The following LAMA2 variants were observed in gnomAD, a reference collection of about 807,000 sequenced individuals.
The protein encoded by LAMA2 is laminin subunit alpha-2.
LAMA2 carries 269 observed loss-of-function variants against 364.8 expected under a neutral mutation model. That is an observed-to-expected ratio of 0.74 (90% CI 0.67 to 0.82). LAMA2 has a LOEUF of 0.82. Ranked by LOEUF, LAMA2 falls within the 40% of genes least tolerant of loss-of-function variation. The pLI is 0.00. For synonymous variants in LAMA2, 1,379 were observed against 1,370.6 expected (o/e 1.01, Z -0.14); for missense variants, 3,807 against 3,873.2 (o/e 0.98, Z 0.45).
intron 1 of LAMA2, among the ~76,000 whole-genome samples, chr6:129,028,421 ATAT>A (rs1338157624): frequency 6.6e-6 from 1 of 151,822 alleles, no homozygotes; most frequent in Non-Finnish European, 1.5e-5. Context: ...GGGATGATAA[ATAT>A]TATTATGAGT....
At chr6:129,283,434 G>A (rs968506571) in intron 18 of LAMA2, among the ~76,000 whole-genome samples, 1 of 151,890 alleles carries the variant, frequency 6.6e-6, no homozygotes, top group African/African-American at 2.4e-5. Flanking sequence ...CAAAAAGGCA[G>A]GCAAGTTCAT....
chr6:128,900,442 A>AATAG (rs1777019152), intron 1 of LAMA2, among the ~76,000 whole-genome samples: 1 of 152,294 alleles, frequency 6.6e-6, no homozygotes, highest in Non-Finnish European at 1.5e-5. Flanking sequence ...ATGATAGAAA[A>AATAG]ATAGAAAAGG....
intron 3 of LAMA2, among the ~76,000 whole-genome samples, chr6:129,063,115 A>G (rs1789045413): frequency 6.6e-6 from 1 of 152,108 alleles, no homozygotes; most frequent in Admixed American, 6.5e-5. Flanking sequence ...CTCAACTTCT[A>G]GATTAGCAGA....
At position 129,159,460 on chromosome 6, in the gene LAMA2, C is replaced by T. The variant is rs17056875; in HGVS notation, c.1206+4777C>T. On this transcript the variant is annotated intron_variant, in intron 8 of 64. Coordinates refer to ENST00000421865, the MANE Select transcript of LAMA2 (RefSeq NM_000426.4). ...AGGCAGGGTGATGGAGGCGCCCCGG[C>T]CGGGAGGATCTGCCGGGGAGAGCGG... is the stretch of plus-strand genomic sequence containing the variant. Among the ~76,000 whole-genome samples, 73 of 152,340 alleles carry T rather than the reference C, an allele frequency of 4.8e-4. 1 individual carries two copies. In the East Asian group the frequency reaches 0.013, roughly 27 times the overall value.
At chr6:129,365,292 G>T (rs1371701082) in intron 32 of LAMA2, among the ~76,000 whole-genome samples, 1 of 152,140 alleles carries the variant, frequency 6.6e-6, no homozygotes, top group Non-Finnish European at 1.5e-5. Flanking sequence ...GGAACAGTTG[G>T]CAAATAAATA....
chr6:129,357,731 C>G (rs1045765519), intron 32 of LAMA2, among the ~76,000 whole-genome samples: 23 of 151,926 alleles, frequency 1.5e-4, no homozygotes, highest in African/African-American at 5.3e-4. Context: ...TTTTAATAGC[C>G]AGTTGCCACC....
At chr6:129,298,896 A>G (rs181525021) in intron 21 of LAMA2, among the ~76,000 whole-genome samples, 100 of 152,294 alleles carry the variant, frequency 6.6e-4, no homozygotes, top group African/African-American at 2.2e-3. Flanking sequence ...AAGAATCTGT[A>G]TATCTCTAAG....
intron 1 of LAMA2, among the ~76,000 whole-genome samples, chr6:128,998,150 G>T (rs1002769576): frequency 2.0e-5 from 3 of 152,128 alleles, no homozygotes; most frequent in Non-Finnish European, 4.4e-5. Flanking sequence ...CCTGGGCACA[G>T]TCATGTTGGT....
At chr6:129,132,018 T>A (rs1243031239) in intron 4 of LAMA2, among the ~76,000 whole-genome samples, 1 of 152,156 alleles carries the variant, frequency 6.6e-6, no homozygotes, top group East Asian at 1.9e-4. Flanking sequence ...CTCCTCTTCC[T>A]ACAACCTTCG....
chr6:129,482,359 C>T (rs946050374), intron 55 of LAMA2, among the ~76,000 whole-genome samples: 2 of 152,146 alleles, frequency 1.3e-5, no homozygotes, highest in Non-Finnish European at 2.9e-5. Context: ...AAAGCAATCC[C>T]TCAACTGCCC....
chr6:129,189,509 T>G (rs1781412290), intron 10 of LAMA2, among the ~76,000 whole-genome samples: 1 of 152,068 alleles, frequency 6.6e-6, no homozygotes, highest in African/African-American at 2.4e-5. Context: ...GTAGGATTAA[T>G]GAAACCAGTC....
At chr6:129,337,981 G>A (rs1776050354) in intron 29 of LAMA2, among the ~76,000 whole-genome samples, 1 of 152,148 alleles carries the variant, frequency 6.6e-6, no homozygotes, top group Non-Finnish European at 1.5e-5. Flanking sequence ...TTGTGTGTTT[G>A]TGGACCTAAC....
chr6:129,154,371 C>CCCT (rs1778982618), intron 7 of LAMA2, 134 bp from the exon 8 acceptor site: 1 of 731,652 alleles, frequency 1.4e-6, no homozygotes, highest in Non-Finnish European at 2.3e-6. Flanking sequence ...GAGATCGTGC[C>CCCT]ACTCTGCACT....
At chr6:129,388,280 A>C (rs1231282858) in intron 35 of LAMA2, among the ~76,000 whole-genome samples, 1 of 151,744 alleles carries the variant, frequency 6.6e-6, no homozygotes, top group Non-Finnish European at 1.5e-5. Flanking sequence ...AAAAACAAAC[A>C]AACAAAAAAC....
At position 129,342,333 on chromosome 6, in the gene LAMA2, T is replaced by G; in HGVS notation, c.4312-10T>G. ...TTAAAAACAAACTTCTTCTCCCTTT[T>G]CCTTTACAGAATTGTCAACATCACA... On this transcript the variant is annotated splice_polypyrimidine_tract_variant and intron_variant, in intron 29 of 64. Coordinates refer to ENST00000421865, the MANE Select transcript of LAMA2 (RefSeq NM_000426.4). 2 of 1,611,920 alleles carry G rather than the reference T, an allele frequency of 1.2e-6. No individual in the cohort carries two copies. Among genetic ancestry groups the G allele is most frequent in the Non-Finnish European group, 1.7e-6 (2 of 1,178,372 alleles).
At chr6:128,918,476 A>C (rs770683191) in intron 1 of LAMA2, among the ~76,000 whole-genome samples, 3 of 152,202 alleles carry the variant, frequency 2.0e-5, no homozygotes, top group Non-Finnish European at 4.4e-5. Context: ...AAATATTGGA[A>C]GTTAAAATTT....
intron 33 of LAMA2, among the ~76,000 whole-genome samples, chr6:129,369,248 G>A (rs958937616): frequency 4.6e-5 from 7 of 152,112 alleles, no homozygotes; most frequent in Admixed American, 2.0e-4. Context: ...TTTTGTCTGC[G>A]CTTAGACATT....
chr6:129,171,227 C>G (rs1780129416), intron 9 of LAMA2, among the ~76,000 whole-genome samples: 1 of 152,078 alleles, frequency 6.6e-6, no homozygotes, highest in Admixed American at 6.6e-5. Context: ...ATGATGTTAG[C>G]TGGTTATTTT....
At chr6:129,166,399 A>G (rs1328355709) in intron 9 of LAMA2, among the ~76,000 whole-genome samples, 1 of 152,154 alleles carries the variant, frequency 6.6e-6, no homozygotes, top group African/African-American at 2.4e-5. Context: ...CAAGGCTACA[A>G]TGTAGTGTTT....
Sources: gnomAD v4.1 joint callset for allele counts (sites outside exome capture counted in the v4.1 genomes callset) on GRCh38, gnomAD v4.1.1 for gene constraint, MANE v1.5 for transcripts, NCBI Gene and HGNC (gene_info 2026-07-23, HGNC 2026-07-21) for gene names.